GAREM1: variants seen among roughly 807,000 people sequenced by gnomAD.
The protein encoded by GAREM1 is GRB2-associated and regulator of MAPK protein 1.
GAREM1 carries 26 observed loss-of-function variants against 71.3 expected under a neutral mutation model. The observed-to-expected ratio is 0.36, with a 90% confidence interval of 0.27 to 0.51. The LOEUF is 0.51. Ranked by LOEUF, GAREM1 falls within the 20% of genes least tolerant of loss-of-function variation. GAREM1 has a pLI of 0.95. For synonymous variants in GAREM1, 440 were observed against 433.2 expected (o/e 1.02, Z -0.20); for missense variants, 1,026 against 1,103.1 (o/e 0.93, Z 0.99).
rs568011044 is a variant in GAREM1 at position 32,314,593 on chromosome 18, G to GT, written c.263-4271dup. Among the ~76,000 whole-genome samples, 911 of 143,548 alleles carry GT rather than the reference G, an allele frequency of 6.3e-3. 7 individuals are homozygous for GT. Among genetic ancestry groups the GT allele is most frequent in the African/African-American group, 0.017 (665 of 38,840 alleles). 94.2% of individuals were successfully genotyped at this position (143,548 alleles called of 152,430 possible). Reference sequence around the variant, plus strand: ...ATTTCTTGGGTCACTTTTTGTTGTTGTTTTTTTTTTTTTGAGACGGAGTCT... The same window carrying GT: ...ATTTCTTGGGTCACTTTTTGTTGTTGTTTTTTTTTTTTTTGAGACGGAGTCT... On this transcript the variant is annotated intron_variant, in intron 2 of 5. Transcript: ENST00000269209.
chr18:32,441,373 T>C (rs2048735433), intron 1 of GAREM1, among the ~76,000 whole-genome samples: 1 of 152,064 alleles, frequency 6.6e-6, no homozygotes, highest in Non-Finnish European at 1.5e-5. Context: ...GCGGTTGTTA[T>C]GAGGACTAAA....
intron 4 of GAREM1, among the ~76,000 whole-genome samples, chr18:32,282,081 A>G (rs867116262): frequency 4.6e-5 from 7 of 151,652 alleles, no homozygotes; most frequent in Admixed American, 2.0e-4. Context: ...CCCAAATCCT[A>G]TAAAACGGCC....
chr18:32,297,037 T>G (rs2047148042), intron 3 of GAREM1, among the ~76,000 whole-genome samples: 1 of 152,178 alleles, frequency 6.6e-6, no homozygotes, highest in African/African-American at 2.4e-5. Flanking sequence ...AAATAAAGTT[T>G]TATTGGGACA....
At chr18:32,438,436 T>C (rs1355407516) in intron 1 of GAREM1, among the ~76,000 whole-genome samples, 2 of 152,206 alleles carry the variant, frequency 1.3e-5, no homozygotes, top group Non-Finnish European at 2.9e-5. Flanking sequence ...CCTTCTGCCC[T>C]AGAGGCAGCT....
chr18:32,460,052 G>C (rs919504658), intron 1 of GAREM1, among the ~76,000 whole-genome samples: 1 of 149,690 alleles, frequency 6.7e-6, no homozygotes, highest in Admixed American at 6.7e-5. Context: ...TTCCCTGCTA[G>C]GAAGGCAAAT....
At chr18:32,333,906 G>A (rs556355608) in intron 2 of GAREM1, among the ~76,000 whole-genome samples, 180 of 152,288 alleles carry the variant, frequency 1.2e-3, no homozygotes, top group African/African-American at 4.2e-3. Context: ...AGGCCGGTGT[G>A]CGGTCCGCAG....
chr18:32,305,555 T>C (rs1259748570), intron 3 of GAREM1, among the ~76,000 whole-genome samples: 2 of 152,218 alleles, frequency 1.3e-5, no homozygotes, highest in African/African-American at 4.8e-5. Context: ...AGTCTCATTC[T>C]GTCACCCAGG....
chr18:32,446,777 T>C (rs757085228), intron 1 of GAREM1, among the ~76,000 whole-genome samples: 38 of 152,184 alleles, frequency 2.5e-4, no homozygotes, highest in Non-Finnish European at 4.3e-4. Context: ...TCAACACTTT[T>C]TCTCAAATCC....
chr18:32,300,628 G>A (rs978659777), intron 3 of GAREM1, among the ~76,000 whole-genome samples: 3 of 152,046 alleles, frequency 2.0e-5, no homozygotes, highest in South Asian at 4.1e-4. Flanking sequence ...TAACATAGGC[G>A]GGGCGCAGTG....
intron 1 of GAREM1, among the ~76,000 whole-genome samples, chr18:32,428,923 A>G (rs1272902868): frequency 6.7e-6 from 1 of 150,172 alleles, no homozygotes; most frequent in Non-Finnish European, 1.5e-5. Flanking sequence ...TTTCTCATTC[A>G]GTAGTTCAAG....
intron 2 of GAREM1, among the ~76,000 whole-genome samples, chr18:32,335,914 G>C (rs1239976522): frequency 6.6e-6 from 1 of 152,212 alleles, no homozygotes; most frequent in Non-Finnish European, 1.5e-5. Context: ...ATGGTGGGCT[G>C]TGGAAGAGCA....
chr18:32,453,123 G>T (rs1984915), intron 1 of GAREM1, among the ~76,000 whole-genome samples: 1 of 151,798 alleles, frequency 6.6e-6, no homozygotes, highest in Non-Finnish European at 1.5e-5. Flanking sequence ...TGAAAGGCAC[G>T]TCTTACGCGG....
At chr18:32,389,914 T>C (rs56808255) in intron 2 of GAREM1, among the ~76,000 whole-genome samples, 31,716 of 152,104 alleles carry the variant, frequency 0.21, 4,036 homozygotes, top group African/African-American at 0.36. Flanking sequence ...GGCTCATACC[T>C]GTAATTCCAA....
At chr18:32,337,793 T>C (rs995336381) in intron 2 of GAREM1, among the ~76,000 whole-genome samples, 2 of 152,162 alleles carry the variant, frequency 1.3e-5, no homozygotes, top group African/African-American at 4.8e-5. Context: ...TCTTCCAGCC[T>C]AAAATTAGTG....
chr18:32,470,563 G>T lies in GAREM1; in HGVS notation c.-135C>A. The T allele has an allele frequency of 1.9e-6, 1 of 517,226 alleles. No homozygotes were observed. The highest frequency in any genetic ancestry group is 8.1e-5 in the South Asian group (1 of 12,324). The allele number at this position is 517,226 out of a possible 1,614,324, so 32.0% of individuals were successfully genotyped here. On this transcript the variant is annotated 5_prime_UTR_variant, in exon 1 of 6. Coordinates refer to ENST00000269209, the MANE Select transcript of GAREM1 (RefSeq NM_001242409.2). The surrounding 1 kb of genome is among the most constrained non-coding windows in gnomAD (Gnocchi z 4.4). The stretch of plus-strand genomic sequence containing the variant: ...CGGGCAGCTCCGGCCGCGGGCAGCC[G>T]GGGGGGCGCGGCGACTGGGGCGGCC...
intron 2 of GAREM1, among the ~76,000 whole-genome samples, chr18:32,366,799 C>A (rs906277590): frequency 2.0e-5 from 3 of 152,172 alleles, no homozygotes; most frequent in Non-Finnish European, 4.4e-5. Flanking sequence ...GTTGGCAGCT[C>A]TTAGTTGTTG....
intron 2 of GAREM1, among the ~76,000 whole-genome samples, chr18:32,353,179 C>T (rs1001057987): frequency 6.6e-6 from 1 of 152,154 alleles, no homozygotes; most frequent in Non-Finnish European, 1.5e-5. Flanking sequence ...TAAATGTCCA[C>T]ACATAAAGAA....
chr18:32,343,226 A>C (rs1418232169), intron 2 of GAREM1, among the ~76,000 whole-genome samples: 3 of 152,210 alleles, frequency 2.0e-5, no homozygotes, highest in Non-Finnish European at 2.9e-5. Context: ...AAAATGATAC[A>C]AACTGGAAAG....
chr18:32,409,612 T>A (rs1229469128), intron 1 of GAREM1, among the ~76,000 whole-genome samples: 3 of 152,172 alleles, frequency 2.0e-5, no homozygotes, highest in Non-Finnish European at 4.4e-5. Context: ...TCTTTTCAAA[T>A]GAACCCTTGG....
Sources: allele counts gnomAD v4.1 joint callset (sites outside exome capture counted in the v4.1 genomes callset), GRCh38; gene constraint gnomAD v4.1.1; non-coding constraint Gnocchi (gnomAD v3.1); transcripts MANE v1.5; gene names NCBI Gene and HGNC (gene_info 2026-07-23, HGNC 2026-07-21).